The following FOXN2 variants were observed in gnomAD, a reference collection of about 807,000 sequenced individuals.
The protein encoded by FOXN2 is forkhead box protein N2.
FOXN2 carries 19 observed loss-of-function variants against 41.2 expected under a neutral mutation model. The ratio of observed to expected loss-of-function variants is 0.46; its 90% CI spans 0.32 to 0.68. FOXN2 has a LOEUF of 0.68. FOXN2 is among the 30% of genes least tolerant of loss of function. The probability of loss-of-function intolerance (pLI) is 0.03; values close to 1 mark genes in which losing one functional copy is unlikely to be tolerated. For synonymous variants in FOXN2, 195 were observed against 176.8 expected, an observed-to-expected ratio of 1.10 and a Z score of -0.82; for missense variants, 587 against 509.4, an observed-to-expected ratio of 1.15 and a Z score of -1.47.
intron 2 of FOXN2, among the ~76,000 whole-genome samples, chr2:48,338,070 A>G (rs1022027954): frequency 6.6e-6 from 1 of 152,240 alleles, no homozygotes; most frequent in African/African-American, 2.4e-5. Context: ...GGGCCATGAA[A>G]CAAGTTTCAA....
intron 1 of FOXN2, among the ~76,000 whole-genome samples, 166 bp downstream of exon 1, chr2:48,314,980 C>T (rs567560206): frequency 5.9e-5 from 9 of 152,140 alleles, no homozygotes; most frequent in African/African-American, 2.2e-4. Context: ...GAGGAATTTG[C>T]GCCGGCGCGG....
intron 3 of FOXN2, among the ~76,000 whole-genome samples, chr2:48,356,791 A>G (rs566971636): frequency 3.9e-4 from 60 of 152,328 alleles, no homozygotes; most frequent in African/African-American, 1.3e-3. Context: ...TGTTAAGACA[A>G]TTCTTTTTAA....
Position 48,375,997 on chromosome 2 carries a change from G to A in FOXN2, c.*554G>A, listed in dbSNP as rs1326681409. 7.9e-5 allele frequency: 12 copies of A among 152,232 alleles called. No individual in the cohort carries two copies. The highest frequency in any genetic ancestry group is 1.6e-4 in the Non-Finnish European group (11 of 68,196). 9.4% of individuals were successfully genotyped at this position (152,232 alleles called of 1,614,324 possible). ...AACATAAATTGAAAAACATCCTGAT[G>A]TTTAGAAAGTTTCTTTTGGTTACGT... On this transcript the variant is annotated 3_prime_UTR_variant, in exon 7 of 7. Transcript: ENST00000340553.
At chr2:48,318,443 T>G (rs13388291) in intron 1 of FOXN2, among the ~76,000 whole-genome samples, 70,255 of 151,898 alleles carry the variant, frequency 0.46, 16,438 homozygotes, top group South Asian at 0.55. Context: ...CAGAGATGAA[T>G]TGCCAGTCTC....
At position 48,351,162 on chromosome 2, in the gene FOXN2, A is replaced by G. The variant is rs112603868; in HGVS notation, c.537+4411A>G. Among the ~76,000 whole-genome samples the G allele has an allele frequency of 3.7e-3, 565 of 152,172 alleles. 5 individuals are homozygous for G. Among genetic ancestry groups the G allele is most frequent in the African/African-American group, 0.013 (536 of 41,510 alleles). On this transcript the variant is annotated intron_variant, in intron 3 of 6. Coordinates refer to ENST00000340553, the MANE Select transcript of FOXN2 (RefSeq NM_002158.4). ...ATTTTAGTAGAGACAGGGTTTTGCC[A>G]TGCTGCCCAGGCTGGTCTCTAACTC...
intron 1 of FOXN2, among the ~76,000 whole-genome samples, chr2:48,321,681 T>G (rs1669332120): frequency 6.6e-6 from 1 of 152,080 alleles, no homozygotes; most frequent in Non-Finnish European, 1.5e-5. Flanking sequence ...GTACATTTTA[T>G]GTGGTAAGGG....
intron 2 of FOXN2, among the ~76,000 whole-genome samples, chr2:48,335,408 A>G (rs1256114612): frequency 6.6e-6 from 1 of 152,224 alleles, no homozygotes; most frequent in Non-Finnish European, 1.5e-5. Flanking sequence ...ATTGGAAAAT[A>G]TAAAAGAGGT....
intron 4 of FOXN2, among the ~76,000 whole-genome samples, chr2:48,360,790 GTTT>G (rs757595172): frequency 7.3e-6 from 1 of 136,630 alleles, no homozygotes; most frequent in African/African-American, 2.7e-5. Context: ...GCTGTGTTGG[GTTT>G]TTTTTTTTTT....
At chr2:48,356,071 C>T (rs952475966) in intron 3 of FOXN2, among the ~76,000 whole-genome samples, 3 of 152,046 alleles carry the variant, frequency 2.0e-5, no homozygotes, top group Non-Finnish European at 2.9e-5. Context: ...TTGCAGTGAG[C>T]CAAGATCGTG....
upstream of FOXN2, chr2:48,314,665 G>C (rs1668757808): frequency 6.5e-6 from 1 of 152,938 alleles, no homozygotes; most frequent in Non-Finnish European, 1.5e-5. Context: ...GGGGGATGTG[G>C]TGCTGCCGGG....
chr2:48,373,173 ATGCT>A (rs1238250630), intron 5 of FOXN2, 115 bp from the exon 6 acceptor site: 16 of 673,904 alleles, frequency 2.4e-5, no homozygotes, highest in Non-Finnish European at 4.1e-5. Flanking sequence ...ATGTGCGTTT[ATGCT>A]TTCTTAGAAT....
At chr2:48,329,075 A>G (rs933570840) in intron 2 of FOXN2, among the ~76,000 whole-genome samples, 1 of 152,136 alleles carries the variant, frequency 6.6e-6, no homozygotes, top group Non-Finnish European at 1.5e-5. Context: ...AGGATTGTGT[A>G]CTAGAGACTC....
At chr2:48,322,304 AATTGTAAAGTGAAACAAATGCAGAAAAC>A (rs1669382793) in intron 1 of FOXN2, among the ~76,000 whole-genome samples, 2 of 151,792 alleles carry the variant, frequency 1.3e-5, no homozygotes, top group East Asian at 3.9e-4. Context: ...TTTTTTTTTT[AATTGTAAAGTGAAACAAATGCAGAAAAC>A]CACACAAAAC....
intron 1 of FOXN2, among the ~76,000 whole-genome samples, chr2:48,317,313 G>T (rs1024079902): frequency 2.6e-5 from 4 of 152,014 alleles, no homozygotes; most frequent in East Asian, 1.9e-4. Flanking sequence ...GCTGGGCCTC[G>T]TGGGGCATGC....
At chr2:48,332,190 A>G (rs1018257185) in intron 2 of FOXN2, among the ~76,000 whole-genome samples, 1 of 152,194 alleles carries the variant, frequency 6.6e-6, no homozygotes, top group Admixed American at 6.5e-5. Context: ...AATGGCATTA[A>G]TAGTGAAAAC....
chr2:48,336,306 G>A (rs565306035), intron 2 of FOXN2, among the ~76,000 whole-genome samples: 1 of 151,414 alleles, frequency 6.6e-6, no homozygotes, highest in African/African-American at 2.4e-5. Flanking sequence ...TACTCAGGAG[G>A]CCGAGGCAGG....
rs1202426422 is a variant in FOXN2, at chr2:48,377,999, A to T, written c.*2556A>T. The T allele has an allele frequency of 6.6e-6, 1 of 152,132 alleles. No homozygotes were observed. Among genetic ancestry groups the T allele is most frequent in the East Asian group, 1.9e-4 (1 of 5,198 alleles). 9.4% of individuals were successfully genotyped at this position (152,132 alleles called of 1,614,324 possible). On this transcript the variant is annotated 3_prime_UTR_variant, in exon 7 of 7. Transcript: ENST00000340553. ...AACTTAGAAACTCCAAGGAGGTTACATGTTTTCCAACATATCCTAAAAACT... is the reference window on the plus strand; with the variant it reads ...AACTTAGAAACTCCAAGGAGGTTACTTGTTTTCCAACATATCCTAAAAACT...
intron 3 of FOXN2, among the ~76,000 whole-genome samples, chr2:48,356,298 G>A (rs1348115691): frequency 4.6e-5 from 7 of 151,900 alleles, no homozygotes; most frequent in South Asian, 2.1e-4. Flanking sequence ...AAAATTAGCC[G>A]GGCATGGTGG....
chr2:48,321,555 ATT>A (rs1411319837), intron 1 of FOXN2, among the ~76,000 whole-genome samples: 1 of 151,928 alleles, frequency 6.6e-6, no homozygotes, highest in Non-Finnish European at 1.5e-5. Context: ...ATTTTAGTAC[ATT>A]TTATGTGGTA....
Sources: allele counts gnomAD v4.1 joint callset (sites outside exome capture counted in the v4.1 genomes callset), GRCh38; gene constraint gnomAD v4.1.1; transcripts MANE v1.5; gene names NCBI Gene and HGNC (gene_info 2026-07-23, HGNC 2026-07-21).